The following PTPRN2 variants were observed in gnomAD, a reference collection of about 807,000 sequenced individuals.
PTPRN2 encodes the protein protein tyrosine phosphatase receptor type N2.
A neutral mutation model predicts 118.8 loss-of-function variants in PTPRN2; 74 were observed. The ratio of observed to expected loss-of-function variants is 0.62; its 90% CI spans 0.52 to 0.76. PTPRN2 has a LOEUF of 0.76. Among genes scored for constraint, PTPRN2 ranks in the 30% least tolerant of loss-of-function variants. The probability of loss-of-function intolerance (pLI) is 0.00; values close to 1 mark genes in which losing one functional copy is unlikely to be tolerated. For missense variants in PTPRN2, 1,481 were observed against 1,394.4 expected (o/e 1.06, Z -0.99); for synonymous variants, 641 against 608.0 (o/e 1.05, Z -0.80).
chr7:157,575,703 G>C lies in PTPRN2; in HGVS notation c.2783+910C>G, dbSNP rs911860702. Reference sequence around the variant, plus strand: ...CCTCCAGTTACATAACTGTAGACTCGAGAATGAGTAACTGTTAAGAATCAA... The same window carrying C: ...CCTCCAGTTACATAACTGTAGACTCCAGAATGAGTAACTGTTAAGAATCAA... On this transcript the variant is annotated intron_variant, in intron 19 of 22. Coordinates refer to ENST00000389418, the MANE Select transcript of PTPRN2 (RefSeq NM_002847.5). Among the ~76,000 whole-genome samples the C allele has an allele frequency of 2.9e-4, 44 of 152,206 alleles. 1 individual carries two copies. Among genetic ancestry groups the C allele is most frequent in the African/African-American group, 9.9e-4 (41 of 41,522 alleles).
chr7:157,962,557 A>C (rs1355655160), intron 11 of PTPRN2, among the ~76,000 whole-genome samples: 1 of 152,230 alleles, frequency 6.6e-6, no homozygotes, highest in Non-Finnish European at 1.5e-5. Context: ...ATCAATGTTA[A>C]GACTACAGCT....
intron 10 of PTPRN2, among the ~76,000 whole-genome samples, chr7:158,086,782 AT>A (rs1196939355): frequency 6.6e-6 from 1 of 152,202 alleles, no homozygotes; most frequent in East Asian, 1.9e-4. Flanking sequence ...ATAAGCATTG[AT>A]TTGGGGGTTA....
In PTPRN2 at chr7:157,664,757, C is replaced by T. The variant is rs141202377; in HGVS notation, c.2002-8206G>A. Among the ~76,000 whole-genome samples, 667 of 152,260 alleles carry T rather than the reference C, an allele frequency of 4.4e-3. 7 individuals carry two copies. The highest frequency in any genetic ancestry group is 0.015 in the African/African-American group (639 of 41,546). On this transcript the variant is annotated intron_variant, in intron 13 of 22. Coordinates refer to ENST00000389418, the MANE Select transcript of PTPRN2 (RefSeq NM_002847.5). ...CCTGGTGACAGAGCAAGACCCTGTCCGCCTACACCCGCCAAAAATACAGAG... is the reference window on the plus strand; with the variant it reads ...CCTGGTGACAGAGCAAGACCCTGTCTGCCTACACCCGCCAAAAATACAGAG...
chr7:158,169,018 A>G (rs1057098910), intron 5 of PTPRN2, among the ~76,000 whole-genome samples: 9 of 152,170 alleles, frequency 5.9e-5, no homozygotes, highest in Non-Finnish European at 1.3e-4. Flanking sequence ...ATCCGTTCAT[A>G]TTTTCTACTT....
chr7:158,413,137 C>A (rs752600401), intron 2 of PTPRN2, among the ~76,000 whole-genome samples: 51 of 151,890 alleles, frequency 3.4e-4, no homozygotes, highest in Admixed American at 3.2e-3. Context: ...ACCCATCCAG[C>A]GCCCTCCTCA....
chr7:158,404,354 T>C (rs1319753527), intron 2 of PTPRN2, among the ~76,000 whole-genome samples: 1 of 152,112 alleles, frequency 6.6e-6, no homozygotes, highest in South Asian at 2.1e-4. Flanking sequence ...AGACAGAGAT[T>C]CTGTGTGTGC....
chr7:158,419,622 C>T (rs1443015691), intron 2 of PTPRN2, among the ~76,000 whole-genome samples: 2 of 152,136 alleles, frequency 1.3e-5, no homozygotes, highest in East Asian at 3.9e-4. Flanking sequence ...AGGAGCCTCA[C>T]CACGCAGCAC....
At chr7:157,719,911 T>C (rs1256995784) in intron 12 of PTPRN2, among the ~76,000 whole-genome samples, 1 of 152,260 alleles carries the variant, frequency 6.6e-6, no homozygotes, top group East Asian at 1.9e-4. Context: ...CCAATATTTA[T>C]TGAGTCCTTA....
At chr7:157,697,755 C>T (rs867274267) in intron 12 of PTPRN2, among the ~76,000 whole-genome samples, 10 of 126,594 alleles carry the variant, frequency 7.9e-5, no homozygotes, top group East Asian at 5.6e-4. Flanking sequence ...CACCGTCTAC[C>T]CATGCATACT....
At chr7:157,772,471 C>A (rs1327696709) in intron 12 of PTPRN2, among the ~76,000 whole-genome samples, 1 of 152,216 alleles carries the variant, frequency 6.6e-6, no homozygotes, top group Non-Finnish European at 1.5e-5. Flanking sequence ...CAGTGTGAGC[C>A]CAGCAGAGTC....
At chr7:157,879,474 A>G (rs775476029) in intron 12 of PTPRN2, among the ~76,000 whole-genome samples, 5 of 152,308 alleles carry the variant, frequency 3.3e-5, no homozygotes, top group African/African-American at 1.2e-4. Context: ...AATCATACAT[A>G]TTTCATTAAG....
rs1342176137 is a variant in PTPRN2, at chr7:157,831,544, T to TG, written c.1788+67128dup. On this transcript the variant is annotated intron_variant, in intron 12 of 22. Coordinates refer to ENST00000389418, the MANE Select transcript of PTPRN2 (RefSeq NM_002847.5). This position sits in a 1 kb window ranked among gnomAD's most constrained non-coding sequence, Gnocchi z 4.8. ...TCTCACCCTGCAGTACTGAGCAGGG[T>TG]GAGGCAGGGAAGAGGAGGAGCAGAG... is the stretch of plus-strand genomic sequence containing the variant. 6.6e-6 allele frequency among the ~76,000 whole-genome samples: 1 copy of TG among 151,904 alleles called. No homozygotes were observed. The highest frequency in any genetic ancestry group is 2.4e-5 in the African/African-American group (1 of 41,320).
intron 11 of PTPRN2, among the ~76,000 whole-genome samples, chr7:157,909,470 G>T (rs1243726968): frequency 6.6e-6 from 1 of 152,254 alleles, no homozygotes; most frequent in Non-Finnish European, 1.5e-5. Flanking sequence ...CCACAGTGAG[G>T]TCTACAGTCC....
Position 157,556,233 on chromosome 7 carries a change from ACACAC to A in PTPRN2, c.2903-7219_2903-7215del, listed in dbSNP as rs1302585722. 9.9e-5 allele frequency among the ~76,000 whole-genome samples: 15 copies of A among 152,224 alleles called. No individual in the cohort carries two copies. In the East Asian group the frequency reaches 1.9e-3, roughly 20 times the overall value. On this transcript the variant is annotated intron_variant, in intron 21 of 22. Coordinates refer to ENST00000389418, the MANE Select transcript of PTPRN2 (RefSeq NM_002847.5). ...CATGTACATGGGTACACAGGCATGCACACACCACACAACACTCACCCACACTCACA... is the reference window on the plus strand; with the variant it reads ...CATGTACATGGGTACACAGGCATGCACACACAACACTCACCCACACTCACA...
intron 2 of PTPRN2, among the ~76,000 whole-genome samples, chr7:158,332,471 C>T (rs1804681636): frequency 6.8e-6 from 1 of 146,080 alleles, no homozygotes; most frequent in South Asian, 2.1e-4. Flanking sequence ...TAAGAGGTGA[C>T]ATCTACAGAC....
intron 6 of PTPRN2, among the ~76,000 whole-genome samples, chr7:158,163,288 C>G (rs1384638222): frequency 6.6e-6 from 1 of 151,670 alleles, no homozygotes; most frequent in Non-Finnish European, 1.5e-5. Flanking sequence ...TCTCAATATT[C>G]TCTGTGTGTT....
Position 157,795,969 on chromosome 7 carries a change from G to A in PTPRN2, c.1788+102704C>T, listed in dbSNP as rs558375450. ...ATCACCGTGATGGAGGGGGGCAGGC[G>A]CCGAGGCGAACTTGGGAGAGGCCCT... On this transcript the variant is annotated intron_variant, in intron 12 of 22. Transcript: ENST00000389418. Among the ~76,000 whole-genome samples the A allele has an allele frequency of 4.6e-5, 7 of 152,356 alleles. No individual in the cohort carries two copies. The South Asian group carries it at 6.2e-4, about 14-fold the overall frequency.
At chr7:158,365,720 C>CCA (rs111424578) in intron 2 of PTPRN2, among the ~76,000 whole-genome samples, 5,209 of 114,378 alleles carry the variant, frequency 0.046, 369 homozygotes, top group African/African-American at 0.16. Context: ...GCACACACAC[C>CCA]CACACACACA....
intron 13 of PTPRN2, among the ~76,000 whole-genome samples, chr7:157,659,214 C>T (rs962048796): frequency 1.5e-4 from 22 of 150,574 alleles, no homozygotes; most frequent in Non-Finnish European, 2.2e-4. Context: ...AGGGGCCCTG[C>T]GGCCCCCACT....
Sources: allele counts gnomAD v4.1 joint callset (sites outside exome capture counted in the v4.1 genomes callset), GRCh38; gene constraint gnomAD v4.1.1; non-coding constraint Gnocchi (gnomAD v3.1); transcripts MANE v1.5; gene names NCBI Gene and HGNC (gene_info 2026-07-23, HGNC 2026-07-21).